The following NWD2 variants were observed in gnomAD, a reference collection of about 807,000 sequenced individuals.
NWD2 encodes the protein NACHT and WD repeat domain containing 2.
In NWD2, 37 loss-of-function variants were observed where a neutral mutation model predicts 132.7. The observed-to-expected ratio is 0.28, with a 90% CI of 0.21 to 0.37. NWD2 has a LOEUF of 0.37. Ranked by LOEUF, NWD2 falls within the 10% of genes least tolerant of loss-of-function variation. The pLI is 1.00. For missense variants in NWD2, 1,592 were observed against 2,122.4 expected, an observed-to-expected ratio of 0.75 and a Z score of 4.91; for synonymous variants, 705 against 803.0, an observed-to-expected ratio of 0.88 and a Z score of 2.06.
intron 1 of NWD2, among the ~76,000 whole-genome samples, chr4:37,285,357 C>T (rs1718210275): frequency 6.6e-6 from 1 of 152,152 alleles, no homozygotes; most frequent in Admixed American, 6.5e-5. Context: ...AACACTGCGG[C>T]TGCCAAAATA....
At chr4:37,433,779 C>T in intron 4 of NWD2, 97 bp from the exon 5 acceptor site, 3 of 877,806 alleles carry the variant, frequency 3.4e-6, no homozygotes, top group South Asian at 4.2e-5. Flanking sequence ...AGTATTGGCA[C>T]ATAGTAGGCC....
intron 3 of NWD2, among the ~76,000 whole-genome samples, chr4:37,375,592 G>A (rs193006275): frequency 0.02 from 2,864 of 145,296 alleles, 34 homozygotes; most frequent in Admixed American, 0.028. Context: ...TTTCCGAGAC[G>A]GAGTCTGGCT....
intron 3 of NWD2, among the ~76,000 whole-genome samples, chr4:37,371,324 C>G (rs529665219): frequency 6.6e-6 from 1 of 152,192 alleles, no homozygotes; most frequent in East Asian, 1.9e-4. Flanking sequence ...GATCTGCCCT[C>G]CTTGGCCTCC....
chr4:37,324,807 G>T (rs1156895742), intron 1 of NWD2, among the ~76,000 whole-genome samples: 1 of 152,102 alleles, frequency 6.6e-6, no homozygotes, highest in Non-Finnish European at 1.5e-5. Context: ...TTCATGATTG[G>T]TTATTTGCTT....
chr4:37,267,072 A>G (rs1717767578), intron 1 of NWD2, among the ~76,000 whole-genome samples: 1 of 151,992 alleles, frequency 6.6e-6, no homozygotes, highest in South Asian at 2.1e-4. Context: ...AGAGAATAGC[A>G]TATTACAAAA....
chr4:37,247,823 T>G (rs1717276297), intron 1 of NWD2, among the ~76,000 whole-genome samples: 2 of 152,248 alleles, frequency 1.3e-5, no homozygotes, highest in South Asian at 4.2e-4. Flanking sequence ...TTAGCCAGGC[T>G]GGTCTCAAAC....
At chr4:37,407,947 C>T (rs1721078169) in intron 3 of NWD2, among the ~76,000 whole-genome samples, 1 of 152,110 alleles carries the variant, frequency 6.6e-6, no homozygotes. Context: ...AATTTTCTCC[C>T]CTACCCAAGG....
intron 2 of NWD2, among the ~76,000 whole-genome samples, chr4:37,332,565 C>T (rs995013937): frequency 3.9e-5 from 6 of 152,078 alleles, no homozygotes; most frequent in Non-Finnish European, 7.3e-5. Flanking sequence ...CAATCCTGGG[C>T]TCTGAATAAT....
intron 3 of NWD2, among the ~76,000 whole-genome samples, chr4:37,385,646 A>G (rs1344220749): frequency 6.6e-6 from 1 of 151,884 alleles, no homozygotes; most frequent in Admixed American, 6.5e-5. Context: ...GGAGCACAAC[A>G]AAAGTTCCAC....
chr4:37,373,983 A>G (rs1720287621), intron 3 of NWD2, among the ~76,000 whole-genome samples: 1 of 152,208 alleles, frequency 6.6e-6, no homozygotes, highest in Admixed American at 6.5e-5. Flanking sequence ...AGAATAGACC[A>G]ATATACAAAG....
At chr4:37,291,644 TAGA>T (rs1156669934) in intron 1 of NWD2, among the ~76,000 whole-genome samples, 12 of 152,258 alleles carry the variant, frequency 7.9e-5, no homozygotes, top group Non-Finnish European at 7.4e-5. Context: ...CAGTAGTATT[TAGA>T]AGTTCACACT....
intron 3 of NWD2, among the ~76,000 whole-genome samples, chr4:37,377,920 G>C (rs1720377098): frequency 6.6e-6 from 1 of 151,998 alleles, no homozygotes; most frequent in Non-Finnish European, 1.5e-5. Context: ...AAAAAAAATA[G>C]TATGTGAAGT....
chr4:37,317,361 T>TCTC (rs1718978815), intron 1 of NWD2, among the ~76,000 whole-genome samples: 1 of 152,316 alleles, frequency 6.6e-6, no homozygotes, highest in South Asian at 2.1e-4. Context: ...ATTTTCTTGA[T>TCTC]CTCCTTGTTA....
intron 1 of NWD2, among the ~76,000 whole-genome samples, chr4:37,271,782 T>C (rs577627240): frequency 6.6e-6 from 1 of 151,932 alleles, no homozygotes; most frequent in East Asian, 1.9e-4. Flanking sequence ...GTTGAGTTTA[T>C]CATGCTATTC....
intron 5 of NWD2, among the ~76,000 whole-genome samples, chr4:37,438,110 A>G (rs930969498): frequency 6.6e-6 from 1 of 151,834 alleles, no homozygotes; most frequent in African/African-American, 2.4e-5. Context: ...AAATACAAAA[A>G]ATTAGCCGGG....
rs185644485 is a variant in NWD2 at position 37,279,747 on chromosome 4, C to G, written c.151+34529C>G. Among the ~76,000 whole-genome samples, 788 of 151,996 alleles carry G rather than the reference C, an allele frequency of 5.2e-3. 4 individuals are homozygous for G. The highest frequency in any genetic ancestry group is 8.2e-3 in the Non-Finnish European group (560 of 67,942). Reference sequence around the variant, plus strand: ...CTAAACATTAACTCTAGAATATAATCAAATGAAATGCCTCTAAAAAGTATA... The same window carrying G: ...CTAAACATTAACTCTAGAATATAATGAAATGAAATGCCTCTAAAAAGTATA... On this transcript the variant is annotated intron_variant, in intron 1 of 6. Coordinates refer to ENST00000309447, the MANE Select transcript of NWD2 (RefSeq NM_001144990.2).
intron 1 of NWD2, among the ~76,000 whole-genome samples, chr4:37,264,151 T>C (rs574300410): frequency 6.6e-6 from 1 of 152,306 alleles, no homozygotes; most frequent in Admixed American, 6.5e-5. Flanking sequence ...TTTGAACAGA[T>C]AACTGTCAGC....
chr4:37,347,157 T>C (rs528165885), intron 2 of NWD2, among the ~76,000 whole-genome samples: 5 of 152,256 alleles, frequency 3.3e-5, no homozygotes, highest in African/African-American at 7.2e-5. Flanking sequence ...ATAATTTTAT[T>C]CCACCATATT....
chr4:37,329,102 G>T (rs1331733130), intron 2 of NWD2, among the ~76,000 whole-genome samples: 5 of 152,012 alleles, frequency 3.3e-5, no homozygotes. Flanking sequence ...AGCCTTCTCT[G>T]ATCCCTCCCA....
Sources: gnomAD v4.1 joint callset for allele counts (sites outside exome capture counted in the v4.1 genomes callset) on GRCh38, gnomAD v4.1.1 for gene constraint, MANE v1.5 for transcripts, NCBI Gene and HGNC (gene_info 2026-07-23, HGNC 2026-07-21) for gene names.